ZBTB20: variants seen among roughly 807,000 people sequenced by gnomAD.
ZBTB20 encodes zinc finger and BTB domain containing 20, also known as zinc finger and BTB domain-containing protein 20.
In ZBTB20, 9 loss-of-function variants were observed where a neutral mutation model predicts 56.9. That is an observed-to-expected ratio of 0.16 (90% CI 0.10 to 0.28). The LOEUF (loss-of-function observed/expected upper bound fraction) is 0.28. Ranked by LOEUF, ZBTB20 falls within the 10% of genes least tolerant of loss-of-function variation. ZBTB20 has a pLI of 1.00. For missense variants in ZBTB20, 655 were observed against 1,003.0 expected (o/e 0.65, Z 4.69); for synonymous variants, 417 against 420.7 (o/e 0.99, Z 0.11).
intron 2 of ZBTB20, among the ~76,000 whole-genome samples, chr3:114,983,875 A>G (rs528929941): frequency 4.5e-4 from 69 of 152,208 alleles, no homozygotes; most frequent in African/African-American, 1.4e-3. Flanking sequence ...GTGTCTTTGC[A>G]TAAACTCACG....
At chr3:115,122,692 C>T (rs2084217672) in intron 1 of ZBTB20, among the ~76,000 whole-genome samples, 1 of 152,062 alleles carries the variant, frequency 6.6e-6, no homozygotes, top group Admixed American at 6.6e-5. Context: ...TAATCCTATT[C>T]TTCATCTTTC....
At chr3:114,732,884 G>A (rs989298645) in intron 5 of ZBTB20, among the ~76,000 whole-genome samples, 2 of 151,952 alleles carry the variant, frequency 1.3e-5, no homozygotes, top group African/African-American at 2.4e-5. Flanking sequence ...ATTTAAGAAG[G>A]GCTAGAGATC....
intron 1 of ZBTB20, among the ~76,000 whole-genome samples, chr3:115,074,941 C>T (rs535403006): frequency 1.3e-5 from 2 of 152,208 alleles, no homozygotes; most frequent in South Asian, 4.2e-4. Flanking sequence ...CTAATGCATT[C>T]AGTGAATCTC....
intron 6 of ZBTB20, among the ~76,000 whole-genome samples, chr3:114,525,161 G>T (rs1413036278): frequency 6.6e-6 from 1 of 151,292 alleles, no homozygotes. Flanking sequence ...TGCTTTTTTT[G>T]TTGGGGGGGG....
At chr3:114,661,962 G>T (rs2060754302) in intron 6 of ZBTB20, among the ~76,000 whole-genome samples, 1 of 150,676 alleles carries the variant, frequency 6.6e-6, no homozygotes, top group Non-Finnish European at 1.5e-5. Context: ...GTGCAGGTTA[G>T]TTACATATGT....
chr3:114,680,748 C>T (rs755490907), intron 6 of ZBTB20, among the ~76,000 whole-genome samples: 3 of 152,084 alleles, frequency 2.0e-5, no homozygotes, highest in African/African-American at 4.8e-5. Flanking sequence ...TGACAATGAT[C>T]GTTACTGAAT....
chr3:114,656,927 G>C (rs1348910757), intron 6 of ZBTB20, among the ~76,000 whole-genome samples: 1 of 152,056 alleles, frequency 6.6e-6, no homozygotes, highest in Non-Finnish European at 1.5e-5. Context: ...ATAGGCGTGA[G>C]CTACCGCACC....
rs75125308 is a variant in ZBTB20 at position 114,904,762 on chromosome 3, T to C, written c.-455-4420A>G. Among the ~76,000 whole-genome samples the C allele has an allele frequency of 8.0e-3, 1,216 of 151,878 alleles. 20 individuals carry two copies. The highest frequency in any genetic ancestry group is 7.6e-3 in the Non-Finnish European group (519 of 67,866). The stretch of plus-strand genomic sequence containing the variant: ...TTCATTTTGAAAAGCTATCTGCCTA[T>C]AAGAAAGAGGAAGTATGAGGAGCAC... On this transcript the variant is annotated intron_variant, in intron 3 of 11. Coordinates refer to ENST00000675478, the MANE Select transcript of ZBTB20 (RefSeq NM_001348800.3).
At chr3:114,398,952 A>G (rs1181996757) in intron 7 of ZBTB20, among the ~76,000 whole-genome samples, 1 of 152,166 alleles carries the variant, frequency 6.6e-6, no homozygotes. Context: ...AACCCCAAAT[A>G]ATGAATTCCA....
chr3:114,733,201 A>G (rs2065885258), intron 5 of ZBTB20, among the ~76,000 whole-genome samples: 1 of 152,196 alleles, frequency 6.6e-6, no homozygotes, highest in Non-Finnish European at 1.5e-5. Context: ...TACGGGTTCT[A>G]TGAATTCACA....
intron 4 of ZBTB20, among the ~76,000 whole-genome samples, chr3:114,865,031 C>A (rs2075707630): frequency 6.6e-6 from 1 of 152,076 alleles, no homozygotes. Context: ...CAGATGACAA[C>A]CAACTTCTCA....
intron 5 of ZBTB20, among the ~76,000 whole-genome samples, chr3:114,750,734 C>A (rs1240492061): frequency 6.6e-6 from 1 of 152,110 alleles, no homozygotes; most frequent in African/African-American, 2.4e-5. Flanking sequence ...ATCTCTGCAG[C>A]CATTTTCCAT....
At chr3:115,082,386 G>A (rs537435226) in intron 1 of ZBTB20, among the ~76,000 whole-genome samples, 1 of 152,116 alleles carries the variant, frequency 6.6e-6, no homozygotes, top group Non-Finnish European at 1.5e-5. Flanking sequence ...AGTGACAGTC[G>A]TGAGTGTGCG....
chr3:114,570,681 T>A (rs79749708), intron 6 of ZBTB20, among the ~76,000 whole-genome samples: 2,782 of 152,274 alleles, frequency 0.018, 89 homozygotes, highest in African/African-American at 0.063. Flanking sequence ...GAATGCTTTG[T>A]TAGCAAATAA....
At chr3:114,553,513 G>A (rs2050825152) in intron 6 of ZBTB20, among the ~76,000 whole-genome samples, 1 of 152,042 alleles carries the variant, frequency 6.6e-6, no homozygotes, top group Non-Finnish European at 1.5e-5. Flanking sequence ...TGATGCTATA[G>A]AGATGAACTA....
intron 1 of ZBTB20, among the ~76,000 whole-genome samples, chr3:115,073,163 C>T (rs1183855921): frequency 6.6e-6 from 1 of 152,144 alleles, no homozygotes; most frequent in African/African-American, 2.4e-5. Flanking sequence ...TTGATTCAAA[C>T]ATTCTGTCAT....
intron 4 of ZBTB20, among the ~76,000 whole-genome samples, chr3:114,875,895 C>A (rs966217996): frequency 2.6e-5 from 4 of 152,064 alleles, no homozygotes; most frequent in African/African-American, 7.2e-5. Context: ...ATCTCCTATC[C>A]CCCAAATTTT....
In ZBTB20 at chr3:114,329,248, C is replaced by G. The variant is rs992644541; in HGVS notation, c.*9757G>C. The stretch of plus-strand genomic sequence containing the variant: ...AAAGGAAGGAATTCCCCAGTGTTCA[C>G]GCTGAGAAGTCTTCATATTGGACCA... On this transcript the variant is annotated 3_prime_UTR_variant, in exon 12 of 12. Transcript: ENST00000675478. 6.6e-6 allele frequency: 1 copy of G among 152,080 alleles called. No individual in the cohort carries two copies. Among genetic ancestry groups the G allele is most frequent in the Non-Finnish European group, 1.5e-5 (1 of 68,020 alleles). The allele number at this position is 152,080 out of a possible 1,614,324, so 9.4% of individuals were successfully genotyped here.
chr3:114,848,798 C>A (rs1028916826), intron 4 of ZBTB20, among the ~76,000 whole-genome samples: 2 of 152,240 alleles, frequency 1.3e-5, no homozygotes, highest in African/African-American at 4.8e-5. Flanking sequence ...CTACCTCCTG[C>A]TTCTCCTTCG....
Sources: gnomAD v4.1 joint callset for allele counts (sites outside exome capture counted in the v4.1 genomes callset) on GRCh38, gnomAD v4.1.1 for gene constraint, MANE v1.5 for transcripts, NCBI Gene and HGNC (gene_info 2026-07-23, HGNC 2026-07-21) for gene names.